Variants in CFDP1 observed in about 807,000 individuals in gnomAD.
The protein encoded by CFDP1 is chromatin remodeling protein CFDP1.
Under a neutral mutation model 40.1 loss-of-function variants are expected in CFDP1, and 31 were observed. That is an observed-to-expected ratio of 0.77 (90% CI 0.58 to 1.04). The LOEUF is 1.04. CFDP1 is among the 50% of genes least tolerant of loss of function. The probability of loss-of-function intolerance (pLI) is 0.00; values close to 1 mark genes in which losing one functional copy is unlikely to be tolerated. For missense variants in CFDP1, 423 were observed against 343.4 expected, an observed-to-expected ratio of 1.23 and a Z score of -1.83; for synonymous variants, 167 against 120.0, an observed-to-expected ratio of 1.39 and a Z score of -2.56.
chr16:75,333,598 C>G (rs1407317268), intron 5 of CFDP1, among the ~76,000 whole-genome samples: 2 of 152,154 alleles, frequency 1.3e-5, no homozygotes. Context: ...AAATGTAGAA[C>G]CATTATACTT....
At chr16:75,420,478 C>T (rs2079265377) in intron 1 of CFDP1, among the ~76,000 whole-genome samples, 1 of 152,292 alleles carries the variant, frequency 6.6e-6, no homozygotes, top group South Asian at 2.1e-4. Flanking sequence ...AGACATGCTG[C>T]AGGATGTATG....
At chr16:75,354,498 AT>A (rs1270046291) in intron 5 of CFDP1, among the ~76,000 whole-genome samples, 1 of 152,166 alleles carries the variant, frequency 6.6e-6, no homozygotes, top group Non-Finnish European at 1.5e-5. Context: ...TAAAAAAAAA[AT>A]CCAAGACATA....
intron 6 of CFDP1, among the ~76,000 whole-genome samples, chr16:75,302,889 A>C (rs1416785575): frequency 3.3e-5 from 5 of 152,094 alleles, no homozygotes; most frequent in Non-Finnish European, 7.4e-5. Flanking sequence ...AAGCTCATGA[A>C]GCTGTTTAAA....
At chr16:75,332,811 T>C (rs1180724567) in intron 5 of CFDP1, among the ~76,000 whole-genome samples, 3 of 149,564 alleles carry the variant, frequency 2.0e-5, no homozygotes, top group South Asian at 2.1e-4. Flanking sequence ...TTTTTTTTTT[T>C]CCTTTTTTTT....
At chr16:75,308,012 G>A (rs2078270098) in intron 5 of CFDP1, among the ~76,000 whole-genome samples, 1 of 152,196 alleles carries the variant, frequency 6.6e-6, no homozygotes, top group Non-Finnish European at 1.5e-5. Flanking sequence ...AGCTGCAGCT[G>A]CACTAGATGG....
At chr16:75,420,406 C>A (rs187350373) in intron 1 of CFDP1, among the ~76,000 whole-genome samples, 1 of 152,268 alleles carries the variant, frequency 6.6e-6, no homozygotes, top group African/African-American at 2.4e-5. Flanking sequence ...TTACAGAGAA[C>A]TGAAGGAACA....
intron 5 of CFDP1, among the ~76,000 whole-genome samples, chr16:75,382,041 G>A (rs1472782632): frequency 6.6e-6 from 1 of 151,356 alleles, no homozygotes; most frequent in Non-Finnish European, 1.5e-5. Flanking sequence ...ACTTGAGCCA[G>A]AATGCAGAGG....
chr16:75,373,993 C>T (rs2078772838), intron 5 of CFDP1, among the ~76,000 whole-genome samples: 1 of 152,110 alleles, frequency 6.6e-6, no homozygotes, highest in South Asian at 2.1e-4. Flanking sequence ...TGGCTCACAC[C>T]TGTAATCCCA....
chr16:75,325,784 C>G (rs897867793), intron 5 of CFDP1, among the ~76,000 whole-genome samples: 13 of 152,204 alleles, frequency 8.5e-5, no homozygotes, highest in African/African-American at 2.2e-4. Flanking sequence ...AAAGTAACAA[C>G]TCTGCATTGG....
intron 6 of CFDP1, among the ~76,000 whole-genome samples, chr16:75,295,203 C>G (rs1388346306): frequency 1.3e-5 from 2 of 152,124 alleles, no homozygotes; most frequent in African/African-American, 4.8e-5. Context: ...TCCCTTCCAA[C>G]AGCATCCTAG....
chr16:75,317,733 A>G (rs1423877857), intron 5 of CFDP1, among the ~76,000 whole-genome samples: 2 of 152,180 alleles, frequency 1.3e-5, no homozygotes, highest in African/African-American at 4.8e-5. Flanking sequence ...CTTATTTTCC[A>G]GATACTGGTT....
intron 5 of CFDP1, among the ~76,000 whole-genome samples, chr16:75,350,693 T>C (rs1008700777): frequency 6.6e-6 from 1 of 152,028 alleles, no homozygotes; most frequent in African/African-American, 2.4e-5. Flanking sequence ...CCAAATGTTA[T>C]CAAAGAAAAC....
intron 1 of CFDP1, among the ~76,000 whole-genome samples, chr16:75,430,826 A>C (rs1052126248): frequency 3.3e-5 from 5 of 152,146 alleles, no homozygotes; most frequent in Admixed American, 6.6e-5. Flanking sequence ...AATAGGTTGC[A>C]AAATGTTTAT....
In CFDP1 at chr16:75,424,185, C is replaced by T. The variant is rs372250795; in HGVS notation, c.64+9104G>A. On this transcript the variant is annotated intron_variant, in intron 1 of 6. Coordinates refer to ENST00000283882, the MANE Select transcript of CFDP1 (RefSeq NM_006324.3). ...CATGATAAAAGGAATCTCTGAGGGA[C>T]AATATATGCAGACTGCCAAGGTTAA... Among the ~76,000 whole-genome samples, 3 of 152,138 alleles carry T rather than the reference C, an allele frequency of 2.0e-5. No homozygotes were observed. In the East Asian group the frequency reaches 5.8e-4, roughly 29 times the overall value.
At chr16:75,432,521 A>C (rs1023144835) in intron 1 of CFDP1, among the ~76,000 whole-genome samples, 1 of 152,080 alleles carries the variant, frequency 6.6e-6, no homozygotes, top group Non-Finnish European at 1.5e-5. Flanking sequence ...ACTGCACTCC[A>C]GCCTAGACAA....
At chr16:75,429,806 G>C (rs562902294) in intron 1 of CFDP1, among the ~76,000 whole-genome samples, 26 of 152,332 alleles carry the variant, frequency 1.7e-4, no homozygotes, top group African/African-American at 6.3e-4. Flanking sequence ...AAAGTTTAGA[G>C]TCAAATTAGC....
intron 5 of CFDP1, among the ~76,000 whole-genome samples, chr16:75,327,279 G>T (rs539177170): frequency 2.0e-5 from 3 of 151,872 alleles, no homozygotes; most frequent in Non-Finnish European, 4.4e-5. Context: ...AAAACAAAAC[G>T]AAACAAAAAA....
intron 5 of CFDP1, among the ~76,000 whole-genome samples, chr16:75,317,604 AACAG>A (rs1226495250): frequency 5.9e-5 from 9 of 152,322 alleles, no homozygotes; most frequent in African/African-American, 1.9e-4. Flanking sequence ...GACCAATACA[AACAG>A]ACAATTTACA....
intron 6 of CFDP1, among the ~76,000 whole-genome samples, chr16:75,303,400 A>AATGTATGTATGTATGTATGTATGTATGT (rs71380717): frequency 6.8e-5 from 10 of 146,170 alleles, no homozygotes; most frequent in Admixed American, 2.7e-4. Context: ...TAAATAAATA[A>AATGTATGTATGTATGTATGTATGTATGT]ATGTATGTAT....
Sources: allele counts gnomAD v4.1 joint callset (sites outside exome capture counted in the v4.1 genomes callset), GRCh38; gene constraint gnomAD v4.1.1; transcripts MANE v1.5; gene names NCBI Gene and HGNC (gene_info 2026-07-23, HGNC 2026-07-21).